ABCB4: variants seen among roughly 807,000 people sequenced by gnomAD.
The protein encoded by ABCB4 is phosphatidylcholine translocator ABCB4.
A neutral mutation model predicts 145.7 loss-of-function variants in ABCB4; 76 were observed. The ratio of observed to expected loss-of-function variants is 0.52; its 90% CI spans 0.43 to 0.63. The LOEUF (loss-of-function observed/expected upper bound fraction) is 0.63, where lower values mean the gene tolerates loss of function less well. Ranked by LOEUF, ABCB4 falls within the 30% of genes least tolerant of loss-of-function variation. The pLI is 0.00. For synonymous variants in ABCB4, 517 were observed against 566.8 expected (o/e 0.91, Z 1.25); for missense variants, 1,234 against 1,553.1 (o/e 0.79, Z 3.45).
the ABCB4 span, among the ~76,000 whole-genome samples, chr7:87,376,556 AT>A: frequency 6.6e-6 from 1 of 152,038 alleles, no homozygotes; most frequent in Non-Finnish European, 1.5e-5. Context: ...ATACTTAATT[AT>A]TTTATAGTGA....
At chr7:87,419,861 T>G (rs1809290734) in intron 19 of ABCB4, 137 bp downstream of exon 19, 8 of 915,276 alleles carry the variant, frequency 8.7e-6, no homozygotes, top group Admixed American at 5.1e-5. Context: ...CAGGACAATT[T>G]GCAGGACTCT....
rs945418787 is a variant in ABCB4, at chr7:87,405,282, A to C, written c.3486+1006T>G. ...CATACTGTATATATTTTTATAAAAC[A>C]TTTTTAAAATATAAAATTATACAAA... On this transcript the variant is annotated intron_variant, in intron 26 of 27. Coordinates refer to ENST00000649586, the MANE Select transcript of ABCB4 (RefSeq NM_000443.4). Among the ~76,000 whole-genome samples, 7 of 152,352 alleles carry C rather than the reference A, an allele frequency of 4.6e-5. No homozygotes were observed. In the East Asian group the frequency reaches 1.3e-3, roughly 29 times the overall value.
intron 3 of ABCB4, among the ~76,000 whole-genome samples, chr7:87,466,047 G>T (rs1812871669): frequency 6.6e-6 from 1 of 152,236 alleles, no homozygotes; most frequent in Non-Finnish European, 1.5e-5. Flanking sequence ...AAGCAGGACG[G>T]AGAATGACTT....
Position 87,466,363 on chromosome 7 carries a change from G to A in ABCB4, c.136-3455C>T, listed in dbSNP as rs184698118. 3.9e-5 allele frequency among the ~76,000 whole-genome samples: 6 copies of A among 152,238 alleles called. No individual in the cohort carries two copies. The East Asian group carries it at 1.2e-3, about 29-fold the overall frequency. ...GAGTTTAGAGAAAAAAGAATAAAAA[G>A]AAACAAGCAAAGCCTCCAAGAAATA... On this transcript the variant is annotated intron_variant, in intron 3 of 27. Coordinates refer to ENST00000649586, the MANE Select transcript of ABCB4 (RefSeq NM_000443.4).
At position 87,451,683 on chromosome 7, in the gene ABCB4, G is replaced by A; in HGVS notation, c.648C>T (p.Leu216=). The change falls in exon 7 of 28, where the codon CTC becomes CTT. Residue 216 remains leucine, a synonymous_variant. Coordinates refer to ENST00000649586, the MANE Select transcript of ABCB4 (RefSeq NM_000443.4). ...FIVGFIRGWK[L]TLVIMAISPI... The stretch of plus-strand genomic sequence containing the variant: ...GGCTGATGGCCATTATCACAAGGGT[G>A]AGCTTCCATCCTCTGATGAATCCCA... The A allele has an allele frequency of 6.2e-7, 1 of 1,614,144 alleles. No individual in the cohort carries two copies. Among genetic ancestry groups the A allele is most frequent in the Non-Finnish European group, 8.5e-7 (1 of 1,180,026 alleles).
At chr7:87,469,841 C>G (rs1309711851) in intron 3 of ABCB4, among the ~76,000 whole-genome samples, 4 of 152,190 alleles carry the variant, frequency 2.6e-5, no homozygotes, top group Non-Finnish European at 4.4e-5. Flanking sequence ...CTACCAATGA[C>G]TTTCTTCATA....
intron 4 of ABCB4, among the ~76,000 whole-genome samples, chr7:87,458,690 C>T (rs780870616): frequency 3.9e-5 from 6 of 152,092 alleles, no homozygotes; most frequent in African/African-American, 9.7e-5. Flanking sequence ...TTTTTACAAA[C>T]GACCAAAGAG....
At position 87,417,085 on chromosome 7, in the gene ABCB4, A is replaced by G. The variant is rs45598631; in HGVS notation, c.2682+227T>C. Among the ~76,000 whole-genome samples, 419 of 152,362 alleles carry G rather than the reference A, an allele frequency of 2.8e-3. 3 individuals are homozygous for G. The highest frequency in any genetic ancestry group is 9.6e-3 in the African/African-American group (399 of 41,588). On this transcript the variant is annotated intron_variant, in intron 21 of 27. Transcript: ENST00000649586. ...TTTGAATATTCAGAAGTTCTTTATC[A>G]TAACTATGTTAAGTGCTTTCTATAG...
At chr7:87,428,604 T>C (rs957995153) in intron 15 of ABCB4, among the ~76,000 whole-genome samples, 2 of 152,140 alleles carry the variant, frequency 1.3e-5, no homozygotes, top group Non-Finnish European at 2.9e-5. Context: ...ATCTCTCCAA[T>C]ACACGCAAGA....
chr7:87,473,008 T>G (rs900959066), intron 2 of ABCB4, among the ~76,000 whole-genome samples: 4 of 152,232 alleles, frequency 2.6e-5, no homozygotes, highest in African/African-American at 9.6e-5. Context: ...AAATTAGGAA[T>G]GTCTATTCTT....
At chr7:87,375,587 T>C in the ABCB4 span, 3 of 1,449,810 alleles carry the variant, frequency 2.1e-6, no homozygotes, top group African/African-American at 2.8e-5. Context: ...AAGTAGTTAC[T>C]TTCTGCCTGT....
At chr7:87,368,246 G>T in the ABCB4 span, among the ~76,000 whole-genome samples, 5 of 152,112 alleles carry the variant, frequency 3.3e-5, no homozygotes, top group African/African-American at 1.2e-4. Flanking sequence ...ATATCCGCCA[G>T]GTTTATTGTG....
rs375044167 is a variant in ABCB4 at position 87,447,011 on chromosome 7, T to C, written c.1005+23A>G. ...AGAAATAAGATTTTCATATTCTTCA[T>C]AAATGTTAGGAGAACTACTTACTGT... On this transcript the variant is annotated intron_variant, in intron 9 of 27. Coordinates refer to ENST00000649586, the MANE Select transcript of ABCB4 (RefSeq NM_000443.4). 6.9e-6 allele frequency: 11 copies of C among 1,587,470 alleles called. No individual in the cohort carries two copies. The African/African-American group carries it at 1.1e-4, about 16-fold the overall frequency.
At chr7:87,405,700 C>T (rs1808138367) in intron 26 of ABCB4, among the ~76,000 whole-genome samples, 1 of 152,148 alleles carries the variant, frequency 6.6e-6, no homozygotes, top group Non-Finnish European at 1.5e-5. Flanking sequence ...GCTGAGATTA[C>T]AGGTGTGAGC....
At chr7:87,377,849 C>G in the ABCB4 span, among the ~76,000 whole-genome samples, 1 of 152,138 alleles carries the variant, frequency 6.6e-6, no homozygotes, top group East Asian at 1.9e-4. Flanking sequence ...AACTATTTTC[C>G]TAAAATGACA....
At chr7:87,447,358 A>G (rs1254078868) in intron 8 of ABCB4, among the ~76,000 whole-genome samples, 153 bp from the exon 9 acceptor site, 1 of 152,214 alleles carries the variant, frequency 6.6e-6, no homozygotes, top group African/African-American at 2.4e-5. Context: ...GAATTGAACT[A>G]ATTCAGGATC....
the ABCB4 span, among the ~76,000 whole-genome samples, chr7:87,373,106 A>G: frequency 6.6e-6 from 1 of 151,964 alleles, no homozygotes; most frequent in African/African-American, 2.4e-5. Context: ...CCACATCTTC[A>G]CCAACACTTA....
chr7:87,375,757 T>C, the ABCB4 span: 1 of 1,612,554 alleles, frequency 6.2e-7, no homozygotes, highest in Non-Finnish European at 8.5e-7. Flanking sequence ...AACGAAGCTT[T>C]TCTCTAACAA....
At chr7:87,398,679 A>G (rs754560231), downstream of ABCB4, 48 of 1,596,850 alleles carry the variant, frequency 3.0e-5, no homozygotes, top group Non-Finnish European at 3.9e-5. Context: ...ACCAAAACAT[A>G]TCATTAAACT....
Sources: gnomAD v4.1 joint callset for allele counts (sites outside exome capture counted in the v4.1 genomes callset) on GRCh38, gnomAD v4.1.1 for gene constraint, MANE v1.5 for transcripts, NCBI Gene and HGNC (gene_info 2026-07-23, HGNC 2026-07-21) for gene names.